The following SLC25A26 variants were observed in gnomAD, a reference collection of about 807,000 sequenced individuals.
SLC25A26 encodes the protein mitochondrial S-adenosylmethionine carrier protein.
Under a neutral mutation model 37.8 loss-of-function variants are expected in SLC25A26, and 36 were observed. The observed-to-expected ratio is 0.95, with a 90% CI of 0.73 to 1.26. The LOEUF is 1.26. Ranked by LOEUF, SLC25A26 falls within the 50% of genes most tolerant of loss-of-function variation. The pLI is 0.00. For missense variants in SLC25A26, 390 were observed against 331.1 expected (o/e 1.18, Z -1.38); for synonymous variants, 129 against 122.5 (o/e 1.05, Z -0.35).
intron 4 of SLC25A26, among the ~76,000 whole-genome samples, chr3:66,262,563 A>T (rs72901289): frequency 0.12 from 18,635 of 152,220 alleles, 1,570 homozygotes; most frequent in African/African-American, 0.21. Context: ...CTTCTTTTAC[A>T]GATGTATTTG....
intron 5 of SLC25A26, among the ~76,000 whole-genome samples, chr3:66,299,340 G>GT (rs1400058880): frequency 6.6e-6 from 1 of 152,070 alleles, no homozygotes; most frequent in East Asian, 1.9e-4. Context: ...CTACAGATGT[G>GT]TGCCACCATG....
At chr3:66,197,807 A>G (rs2071064652) in intron 1 of SLC25A26, among the ~76,000 whole-genome samples, 1 of 151,966 alleles carries the variant, frequency 6.6e-6, no homozygotes, top group African/African-American at 2.4e-5. Context: ...GTATATGTGT[A>G]AGGGTAAGGC....
At chr3:66,161,133 A>C (rs997556696) in intron 1 of SLC25A26, among the ~76,000 whole-genome samples, 1 of 152,048 alleles carries the variant, frequency 6.6e-6, no homozygotes, top group Non-Finnish European at 1.5e-5. Context: ...AAAGGATAGA[A>C]AAGGATTCAA....
At chr3:66,314,183 CCTT>C (rs1367570233) in intron 5 of SLC25A26, among the ~76,000 whole-genome samples, 3 of 152,166 alleles carry the variant, frequency 2.0e-5, no homozygotes, top group Non-Finnish European at 4.4e-5. Context: ...GCGAGGGCAT[CCTT>C]CTCTTGTGCT....
intron 6 of SLC25A26, among the ~76,000 whole-genome samples, chr3:66,350,965 C>T (rs993658051): frequency 2.6e-5 from 4 of 152,034 alleles, no homozygotes; most frequent in Admixed American, 6.6e-5. Flanking sequence ...GTCACTGACT[C>T]GTATTTAATC....
intron 5 of SLC25A26, among the ~76,000 whole-genome samples, chr3:66,282,788 A>G (rs1489491163): frequency 6.6e-6 from 1 of 152,202 alleles, no homozygotes; most frequent in Non-Finnish European, 1.5e-5. Context: ...CATCATCACA[A>G]TCAAGATACA....
chr3:66,277,434 G>T (rs7619768), intron 5 of SLC25A26, among the ~76,000 whole-genome samples: 2 of 151,942 alleles, frequency 1.3e-5, no homozygotes, highest in Non-Finnish European at 2.9e-5. Context: ...CGGGTGTTAG[G>T]GGGTGGGTAA....
intron 2 of SLC25A26, among the ~76,000 whole-genome samples, chr3:66,242,942 C>T (rs1010075085): frequency 2.0e-5 from 3 of 152,172 alleles, no homozygotes; most frequent in Admixed American, 6.5e-5. Flanking sequence ...CAGTACAACA[C>T]GGTAAGTGCT....
At position 66,271,217 on chromosome 3, in the gene SLC25A26, G is replaced by A. The variant is rs571210925; in HGVS notation, c.453+7838G>A. Among the ~76,000 whole-genome samples, 9 of 152,212 alleles carry A rather than the reference G, an allele frequency of 5.9e-5. No homozygotes were observed. The East Asian group carries it at 1.5e-3, about 26-fold the overall frequency. ...TTTCTTCGTCTTCGTGAGTCCATTT[G>A]GATTGCATTTAGGCTTCAAATAACA... On this transcript the variant is annotated intron_variant, in intron 5 of 9. Coordinates refer to ENST00000354883, the MANE Select transcript of SLC25A26 (RefSeq NM_001379210.1).
chr3:66,302,582 T>C (rs2075108071), intron 5 of SLC25A26, among the ~76,000 whole-genome samples: 2 of 152,214 alleles, frequency 1.3e-5, no homozygotes, highest in South Asian at 2.1e-4. Context: ...CCATGTGTTC[T>C]GCACACTCAT....
chr3:66,274,394 A>G (rs2074059925), intron 5 of SLC25A26, among the ~76,000 whole-genome samples: 1 of 151,796 alleles, frequency 6.6e-6, no homozygotes, highest in Non-Finnish European at 1.5e-5. Flanking sequence ...GCCAAAATTG[A>G]CAAATGGGAT....
intron 5 of SLC25A26, among the ~76,000 whole-genome samples, chr3:66,335,098 C>T (rs1042848344): frequency 4.6e-5 from 7 of 152,236 alleles, no homozygotes; most frequent in Non-Finnish European, 1.0e-4. Flanking sequence ...TGTGTAACAA[C>T]TGGGGAAAAA....
chr3:66,343,970 C>T (rs2076265178), intron 5 of SLC25A26, among the ~76,000 whole-genome samples: 3 of 152,166 alleles, frequency 2.0e-5, no homozygotes, highest in Admixed American at 2.0e-4. Flanking sequence ...GGAACTTCGA[C>T]ATTCGGGGGG....
chr3:66,220,962 G>C (rs2071457014), upstream of SLC25A26: 1 of 957,500 alleles, frequency 1.0e-6, no homozygotes, highest in East Asian at 2.7e-5. Context: ...ACGTGCAGTT[G>C]TTGTGGTTCT....
At chr3:66,155,568 A>C (rs903346778) in intron 1 of SLC25A26, among the ~76,000 whole-genome samples, 1 of 152,204 alleles carries the variant, frequency 6.6e-6, no homozygotes, top group East Asian at 1.9e-4. Context: ...CATTCAAGTC[A>C]GCAAATATTT....
intron 5 of SLC25A26, among the ~76,000 whole-genome samples, chr3:66,334,708 G>A (rs970558481): frequency 6.6e-6 from 1 of 151,948 alleles, no homozygotes; most frequent in Non-Finnish European, 1.5e-5. Flanking sequence ...AATATGATCT[G>A]TTCTTCTGGA....
intron 6 of SLC25A26, among the ~76,000 whole-genome samples, chr3:66,353,826 C>T (rs545021710): frequency 6.6e-6 from 1 of 152,322 alleles, no homozygotes; most frequent in African/African-American, 2.4e-5. Flanking sequence ...ACCGAATTTT[C>T]CACGTGCTTG....
intron 2 of SLC25A26, among the ~76,000 whole-genome samples, chr3:66,237,511 T>C (rs961943901): frequency 6.6e-6 from 1 of 152,232 alleles, no homozygotes; most frequent in Non-Finnish European, 1.5e-5. Context: ...GCATTACACA[T>C]TTCTATCCTA....
At chr3:66,193,422 T>C (rs2070983280) in intron 1 of SLC25A26, among the ~76,000 whole-genome samples, 2 of 152,202 alleles carry the variant, frequency 1.3e-5, no homozygotes, top group African/African-American at 2.4e-5. Context: ...TTGGATAACC[T>C]TGACCTAATT....
Sources: gnomAD v4.1 joint callset for allele counts (sites outside exome capture counted in the v4.1 genomes callset) on GRCh38, gnomAD v4.1.1 for gene constraint, MANE v1.5 for transcripts, NCBI Gene and HGNC (gene_info 2026-07-23, HGNC 2026-07-21) for gene names.